Variants in CCDC6 observed in about 807,000 individuals in gnomAD.
CCDC6 encodes coiled-coil domain-containing protein 6.
CCDC6 carries 20 observed loss-of-function variants against 56.6 expected under a neutral mutation model. The ratio of observed to expected loss-of-function variants is 0.35; its 90% CI spans 0.25 to 0.51. The LOEUF is 0.51. Ranked by LOEUF, CCDC6 falls within the 20% of genes least tolerant of loss-of-function variation. The pLI is 0.95. For missense variants in CCDC6, 367 were observed against 601.1 expected (o/e 0.61, Z 4.07); for synonymous variants, 241 against 234.4 (o/e 1.03, Z -0.26).
rs574308284 is a variant in CCDC6 at position 59,831,882 on chromosome 10, C to T, written c.582+643G>A. ...CTGAGGGCAGAGGACAAAGGGATTG[C>T]GTGCTATTACTACTTCCCACCTTTG... On this transcript the variant is annotated intron_variant, in intron 3 of 8. Transcript: ENST00000263102. Among the ~76,000 whole-genome samples the T allele has an allele frequency of 1.8e-3, 274 of 152,308 alleles. 2 individuals carry two copies. Among genetic ancestry groups the T allele is most frequent in the Non-Finnish European group, 2.4e-3 (166 of 68,030 alleles).
intron 1 of CCDC6, among the ~76,000 whole-genome samples, chr10:59,876,584 AGG>A (rs1174945966): frequency 8.2e-6 from 1 of 121,720 alleles, no homozygotes; most frequent in African/African-American, 4.1e-5. Flanking sequence ...ACACCTGTTA[AGG>A]GGGAAAAAAA....
At chr10:59,825,394 C>A (rs2070780148) in intron 3 of CCDC6, among the ~76,000 whole-genome samples, 1 of 152,234 alleles carries the variant, frequency 6.6e-6, no homozygotes. Context: ...TGCCTTCTGC[C>A]ATGATTGTGG....
chr10:59,812,607 G>A (rs561532580), intron 5 of CCDC6, 28 bp downstream of exon 5: 2 of 1,548,116 alleles, frequency 1.3e-6, no homozygotes, highest in Non-Finnish European at 1.8e-6. Flanking sequence ...CTACAGGCAT[G>A]AAACTAGTGA....
At chr10:59,882,451 GGCGGGAGAAGGAAAGGAAAGCCA>G (rs2071348240) in intron 1 of CCDC6, among the ~76,000 whole-genome samples, 4 of 49,966 alleles carry the variant, frequency 8.0e-5, no homozygotes, top group Admixed American at 2.0e-4. Flanking sequence ...AAGGAAAGCC[GGCGGGAGAAGGAAAGGAAAGCCA>G]GGGGGAGAAG....
chr10:59,796,251 G>GT (rs796251259), intron 7 of CCDC6, among the ~76,000 whole-genome samples: 10 of 150,060 alleles, frequency 6.7e-5, no homozygotes, highest in African/African-American at 2.2e-4. Context: ...TTTTTCATGT[G>GT]TTTTTTGGCT....
intron 2 of CCDC6, among the ~76,000 whole-genome samples, chr10:59,844,009 C>T (rs945572078): frequency 6.6e-6 from 1 of 152,142 alleles, no homozygotes; most frequent in African/African-American, 2.4e-5. Context: ...ATAAAAGCAG[C>T]CTTGGGTGCT....
At chr10:59,813,418 G>T (rs2070688688) in intron 4 of CCDC6, among the ~76,000 whole-genome samples, 1 of 152,130 alleles carries the variant, frequency 6.6e-6, no homozygotes, top group African/African-American at 2.4e-5. Flanking sequence ...TATGTTGAAG[G>T]ATATAAAATA....
At chr10:59,837,826 T>A (rs1185384633) in intron 2 of CCDC6, among the ~76,000 whole-genome samples, 2 of 38,058 alleles carry the variant, frequency 5.3e-5, no homozygotes, top group East Asian at 7.5e-4. Context: ...TCAACTAATA[T>A]CTGTTACCCA....
Position 59,791,129 on chromosome 10 carries a change from A to C in CCDC6, c.*1788T>G, listed in dbSNP as rs2070463599. The C allele has an allele frequency of 5.0e-6, 1 of 200,020 alleles. No homozygotes were observed. Among genetic ancestry groups the C allele is most frequent in the Admixed American group, 6.0e-5 (1 of 16,590 alleles). The allele number at this position is 200,020 out of a possible 1,614,324, so 12.4% of individuals were successfully genotyped here. ...CCAGTCTGATCACATCAAAAACCTA[A>C]AGCCTCAATGATTAAATGCCAAACT... On this transcript the variant is annotated 3_prime_UTR_variant, in exon 9 of 9. Transcript: ENST00000263102.
intron 5 of CCDC6, among the ~76,000 whole-genome samples, chr10:59,810,985 C>T (rs182615565): frequency 5.3e-5 from 8 of 152,050 alleles, no homozygotes; most frequent in African/African-American, 4.8e-5. Flanking sequence ...TGGGGTGGTA[C>T]GACTGCAAGG....
intron 2 of CCDC6, among the ~76,000 whole-genome samples, chr10:59,850,565 C>T (rs541878302): frequency 4.6e-5 from 7 of 152,210 alleles, no homozygotes; most frequent in East Asian, 1.9e-4. Flanking sequence ...GACATGCCCG[C>T]GTGAAGGCTA....
At chr10:59,811,270 G>A (rs1270805552) in intron 5 of CCDC6, among the ~76,000 whole-genome samples, 3 of 152,138 alleles carry the variant, frequency 2.0e-5, no homozygotes, top group Non-Finnish European at 4.4e-5. Context: ...GATGCTCCAC[G>A]GCACAAGAAT....
At chr10:59,853,855 C>A (rs2071058843) in intron 1 of CCDC6, among the ~76,000 whole-genome samples, 2 of 152,066 alleles carry the variant, frequency 1.3e-5, no homozygotes, top group Non-Finnish European at 2.9e-5. Flanking sequence ...TGTAGATACC[C>A]TCCTCTCTCC....
At chr10:59,844,123 G>A (rs899548480) in intron 2 of CCDC6, among the ~76,000 whole-genome samples, 1 of 152,092 alleles carries the variant, frequency 6.6e-6, no homozygotes, top group East Asian at 1.9e-4. Flanking sequence ...CTTCAGTGAG[G>A]TATGTCTGAG....
chr10:59,904,818 AG>A (rs1483325587), intron 1 of CCDC6, among the ~76,000 whole-genome samples: 22 of 152,252 alleles, frequency 1.4e-4, no homozygotes, highest in African/African-American at 5.3e-4. Flanking sequence ...ACACAAATTA[AG>A]AATGCCATCT....
chr10:59,875,979 A>C (rs189909149), intron 1 of CCDC6, among the ~76,000 whole-genome samples: 1 of 152,022 alleles, frequency 6.6e-6, no homozygotes, highest in Non-Finnish European at 1.5e-5. Context: ...AATCCCAAAA[A>C]AAATAACGGT....
At chr10:59,834,633 A>C (rs1008150357) in intron 2 of CCDC6, among the ~76,000 whole-genome samples, 3 of 152,176 alleles carry the variant, frequency 2.0e-5, no homozygotes, top group South Asian at 4.1e-4. Flanking sequence ...AATATTGACT[A>C]AATAGATGCT....
chr10:59,897,689 A>C (rs752878187), intron 1 of CCDC6, among the ~76,000 whole-genome samples: 10 of 152,202 alleles, frequency 6.6e-5, no homozygotes, highest in Non-Finnish European at 1.3e-4. Flanking sequence ...ATTCAATCTC[A>C]ACAAGCAGAC....
chr10:59,819,959 G>A (rs373434888), intron 3 of CCDC6, among the ~76,000 whole-genome samples: 1 of 152,304 alleles, frequency 6.6e-6, no homozygotes, highest in Non-Finnish European at 1.5e-5. Flanking sequence ...TACTCCTCTT[G>A]AGTAGCTCTA....
Sources: gnomAD v4.1 joint callset for allele counts (sites outside exome capture counted in the v4.1 genomes callset) on GRCh38, gnomAD v4.1.1 for gene constraint, MANE v1.5 for transcripts, NCBI Gene and HGNC (gene_info 2026-07-23, HGNC 2026-07-21) for gene names.